The following TENM1 variants were observed in gnomAD, a reference collection of about 807,000 sequenced individuals.
The protein encoded by TENM1 is teneurin transmembrane protein 1.
Under a neutral mutation model 174.8 loss-of-function variants are expected in TENM1, and 35 were observed. That is an observed-to-expected ratio of 0.20 (90% confidence interval 0.15 to 0.27). TENM1 has a LOEUF of 0.27. TENM1 is among the 10% of genes least tolerant of loss of function. The probability of loss-of-function intolerance (pLI) is 1.00; values close to 1 mark genes in which losing one functional copy is unlikely to be tolerated. For missense variants in TENM1, 1,633 were observed against 2,130.1 expected (o/e 0.77, Z 4.59); for synonymous variants, 781 against 798.7 (o/e 0.98, Z 0.37).
At chrX:125,128,577 G>C in the TENM1 span, among the ~76,000 whole-genome samples, 3 of 111,237 alleles carry the variant, frequency 2.7e-5, no homozygotes, top group African/African-American at 9.8e-5. Flanking sequence ...CATGGCCCAT[G>C]AAAACCTCCC....
intron 11 of TENM1, among the ~76,000 whole-genome samples, chrX:124,605,459 T>C (rs1453646307): frequency 9.1e-6 from 1 of 109,950 alleles, no homozygotes; most frequent in Non-Finnish European, 1.9e-5. Flanking sequence ...GTTGGTGATC[T>C]TCAGGAGCAA....
chrX:124,401,514 C>T (rs1407169499), intron 27 of TENM1, among the ~76,000 whole-genome samples: 1 of 112,191 alleles, frequency 8.9e-6, no homozygotes, highest in Non-Finnish European at 1.9e-5. Flanking sequence ...TATTGAGGAA[C>T]TTGAGAGCAT....
At chrX:125,201,047 A>G in the TENM1 span, among the ~76,000 whole-genome samples, 1 of 112,213 alleles carries the variant, frequency 8.9e-6, no homozygotes, top group Non-Finnish European at 1.9e-5. Flanking sequence ...ACAGAAAATA[A>G]ATTTCCACTA....
At chrX:124,559,423 T>A (rs1196938349) in intron 14 of TENM1, among the ~76,000 whole-genome samples, 1 of 111,627 alleles carries the variant, frequency 9.0e-6, no homozygotes, top group Non-Finnish European at 1.9e-5. Flanking sequence ...ATCCCAGCAC[T>A]TTCAGAGGCT....
intron 3 of TENM1, among the ~76,000 whole-genome samples, chrX:124,789,846 C>G (rs966422890): frequency 3.7e-4 from 42 of 112,035 alleles, no homozygotes; most frequent in African/African-American, 1.4e-3. Flanking sequence ...TTACTCAGTT[C>G]CAAAGTCGCT....
In TENM1 at chrX:124,475,808, G is replaced by C. The variant is rs144984525; in HGVS notation, c.3949+5924C>G. Among the ~76,000 whole-genome samples the C allele has an allele frequency of 5.1e-3, 565 of 110,775 alleles. 6 individuals carry two copies. The highest frequency in any genetic ancestry group is 0.018 in the African/African-American group (541 of 30,417). On this transcript the variant is annotated intron_variant, in intron 22 of 31. Coordinates refer to ENST00000422452, the Ensembl canonical transcript of TENM1. ...TTTGCTCCAGCGCATTTATTACCCT[G>C]TCGCCAACATTATCAAAAACGCATG...
chrX:125,138,759 A>G, the TENM1 span, among the ~76,000 whole-genome samples: 1 of 110,939 alleles, frequency 9.0e-6, no homozygotes, highest in African/African-American at 3.3e-5. Context: ...TGCTCATTGT[A>G]TGAAAAATCA....
At chrX:124,604,331 T>A (rs2050100737) in intron 11 of TENM1, among the ~76,000 whole-genome samples, 1 of 111,579 alleles carries the variant, frequency 9.0e-6, no homozygotes, top group African/African-American at 3.2e-5. Context: ...TAATGTGTAG[T>A]AGGTTCAATC....
In TENM1 at chrX:124,822,484, T is replaced by C. The variant is rs1371496543; in HGVS notation, c.535+71812A>G. On this transcript the variant is annotated intron_variant, in intron 3 of 31. Transcript: ENST00000422452. ...ACTTGTGCCAAAGTACTCCTTGTAC[T>C]GTAGGTCATAACTGAAATGGAACTT... Among the ~76,000 whole-genome samples the C allele has an allele frequency of 3.6e-5, 4 of 112,393 alleles. No individual in the cohort carries two copies. The Admixed American group carries it at 3.8e-4, about 11-fold the overall frequency.
chrX:124,633,468 T>C (rs953923524), intron 11 of TENM1, among the ~76,000 whole-genome samples: 1 of 112,028 alleles, frequency 8.9e-6, no homozygotes, highest in Non-Finnish European at 1.9e-5. Flanking sequence ...AAAGTTTCAC[T>C]ATATATTGCA....
chrX:124,642,737 T>C (rs1169279394), intron 10 of TENM1, among the ~76,000 whole-genome samples: 1 of 111,960 alleles, frequency 8.9e-6, no homozygotes, highest in Non-Finnish European at 1.9e-5. Context: ...AGAGGTAGGT[T>C]CTTGTGCTTG....
the TENM1 span, among the ~76,000 whole-genome samples, chrX:124,972,988 T>C: frequency 8.9e-6 from 1 of 112,237 alleles, no homozygotes; most frequent in Admixed American, 9.5e-5. Context: ...AAAGTCCAGG[T>C]CAAGGGGACA....
intron 4 of TENM1, among the ~76,000 whole-genome samples, chrX:124,732,718 T>C (rs2053591758): frequency 9.0e-6 from 1 of 111,640 alleles, no homozygotes; most frequent in Non-Finnish European, 1.9e-5. Flanking sequence ...TGGAGTCATG[T>C]GGTACAGTGG....
At chrX:125,111,816 A>G in the TENM1 span, among the ~76,000 whole-genome samples, 1 of 111,632 alleles carries the variant, frequency 9.0e-6, no homozygotes, top group Non-Finnish European at 1.9e-5. Flanking sequence ...GGTGCAAGAG[A>G]AAGAAAAGAA....
intron 3 of TENM1, among the ~76,000 whole-genome samples, chrX:124,845,182 T>C (rs2147376351): frequency 8.9e-6 from 1 of 112,400 alleles, no homozygotes; most frequent in East Asian, 2.8e-4. Flanking sequence ...AGTAATGCTA[T>C]GCCAAATAAA....
intron 6 of TENM1, among the ~76,000 whole-genome samples, chrX:124,666,384 C>A (rs929127949): frequency 4.5e-5 from 5 of 111,644 alleles, no homozygotes; most frequent in African/African-American, 1.6e-4. Flanking sequence ...CAAGACTTTA[C>A]CTGAGCCTTA....
rs570831205 is a variant in TENM1, at chrX:124,512,972, TCA to T, written c.3301+7543_3301+7544del. ...GAGAAAGAGTGGGAGATCTTTCTAG[TCA>T]CAGTTTTAACCAAAATCATTGCTCT... On this transcript the variant is annotated intron_variant, in intron 18 of 31. Transcript: ENST00000422452. Among the ~76,000 whole-genome samples the T allele has an allele frequency of 3.7e-4, 42 of 112,134 alleles. No individual in the cohort carries two copies. The South Asian group carries it at 0.015, about 39-fold the overall frequency.
rs200116609 is a variant in TENM1, at chrX:124,837,627, A to C, written c.535+56669T>G. ...CTCTAAACATTTCATATTACCATCC[A>C]TCCAGGAACCTTAAACATTGACATC... On this transcript the variant is annotated intron_variant, in intron 3 of 31. Transcript: ENST00000422452. Among the ~76,000 whole-genome samples, 7 of 111,930 alleles carry C rather than the reference A, an allele frequency of 6.3e-5. No homozygotes were observed. The East Asian group carries it at 2.0e-3, about 32-fold the overall frequency.
At chrX:124,416,681 G>A (rs2060597302) in intron 25 of TENM1, among the ~76,000 whole-genome samples, 1 of 111,657 alleles carries the variant, frequency 9.0e-6, no homozygotes, top group African/African-American at 3.3e-5. Context: ...CTTATCAGGA[G>A]TATTTGGCAC....
Sources: gnomAD v4.1 joint callset for allele counts (sites outside exome capture counted in the v4.1 genomes callset) on GRCh38, gnomAD v4.1.1 for gene constraint, MANE v1.5 for transcripts, NCBI Gene and HGNC (gene_info 2026-07-23, HGNC 2026-07-21) for gene names.